Variants in VPS50 observed in about 807,000 individuals in gnomAD.
VPS50 encodes VPS50 subunit of EARP/GARPII complex.
VPS50 carries 70 observed loss-of-function variants against 139.7 expected under a neutral mutation model. The observed-to-expected ratio is 0.50, with a 90% CI of 0.41 to 0.61. The LOEUF (loss-of-function observed/expected upper bound fraction) is 0.61. VPS50 is among the 20% of genes least tolerant of loss of function. The pLI, the probability that VPS50 is intolerant of heterozygous loss-of-function variation, is 0.00. For synonymous variants in VPS50, 365 were observed against 376.7 expected, an observed-to-expected ratio of 0.97 and a Z score of 0.36; for missense variants, 921 against 1,133.7, an observed-to-expected ratio of 0.81 and a Z score of 2.69.
At chr7:93,323,530 AAT>A in intron 20 of VPS50, 79 bp from the exon 21 acceptor site, 1 of 437,978 alleles carries the variant, frequency 2.3e-6, no homozygotes. Context: ...TTAGTATAAT[AAT>A]TTTATTTTCT....
At position 93,305,905 on chromosome 7, in the gene VPS50, A is replaced by G. The variant is rs1797101867; in HGVS notation, c.1530A>G (p.Thr510=). The G allele has an allele frequency of 6.2e-7, 1 of 1,612,344 alleles. No homozygotes were observed. Among genetic ancestry groups the G allele is most frequent in the African/African-American group, 1.3e-5 (1 of 74,966 alleles). The change falls in exon 18 of 28, where the codon ACA becomes ACG. Residue 510 remains threonine, a synonymous_variant. Coordinates refer to ENST00000305866, the MANE Select transcript of VPS50 (RefSeq NM_017667.4). ...AGCCAGTCTCAACTTCTTCAAAAACAGTGACCTTGTTTGAGCAGTACTGTA... is the reference window on the plus strand; with the variant it reads ...AGCCAGTCTCAACTTCTTCAAAAACGGTGACCTTGTTTGAGCAGTACTGTA... ...SKQPVSTSSK[T]VTLFEQYCSG...
chr7:93,331,875 A>G (rs1797951547), intron 21 of VPS50, among the ~76,000 whole-genome samples: 1 of 152,246 alleles, frequency 6.6e-6, no homozygotes, highest in Admixed American at 6.5e-5. Context: ...TAACTCAATA[A>G]GAAAACAACC....
At chr7:93,314,106 G>C (rs1797352524) in intron 20 of VPS50, among the ~76,000 whole-genome samples, 1 of 152,148 alleles carries the variant, frequency 6.6e-6, no homozygotes, top group South Asian at 2.1e-4. Flanking sequence ...TCCATCCGCT[G>C]TTGTTATTGC....
chr7:93,283,917 G>A (rs948725568), intron 12 of VPS50, among the ~76,000 whole-genome samples: 6 of 152,142 alleles, frequency 3.9e-5, no homozygotes, highest in Non-Finnish European at 8.8e-5. Flanking sequence ...ATGCACCCAG[G>A]GAATAATGAG....
At chr7:93,321,873 A>AT (rs1257410241) in intron 20 of VPS50, among the ~76,000 whole-genome samples, 3 of 152,002 alleles carry the variant, frequency 2.0e-5, no homozygotes, top group African/African-American at 7.2e-5. Flanking sequence ...GTAGTATATT[A>AT]TTTTTTCTTC....
intron 16 of VPS50, among the ~76,000 whole-genome samples, chr7:93,301,121 T>G (rs1032561690): frequency 6.6e-6 from 1 of 151,738 alleles, no homozygotes; most frequent in Admixed American, 6.6e-5. Context: ...ATAGTGAAAC[T>G]CAGTCTCTAC....
chr7:93,287,145 G>A (rs1386565896), intron 12 of VPS50, among the ~76,000 whole-genome samples: 4 of 151,818 alleles, frequency 2.6e-5, no homozygotes, highest in Non-Finnish European at 5.9e-5. Context: ...CTGGTGCTGC[G>A]TGTATCATAG....
chr7:93,258,270 A>C lies in VPS50; in HGVS notation c.534A>C (p.Lys178Asn), dbSNP rs771909828. The C allele has an allele frequency of 6.3e-7, 1 of 1,577,420 alleles. No homozygotes were observed. ...TTCTGAAATCTCTGAGAACTATAAA[A>C]ACATTGGTATATATGGGTCATTTAA... ...IGLLKSLRTI[K>N]TLQRTDVRLS... The change falls in exon 7 of 28, where the codon AAA becomes AAC. Residue 178 changes from lysine to asparagine, a missense_variant. Lys to Asn is a moderately conservative substitution (Grantham distance 94, BLOSUM62 0). Transcript: ENST00000305866.
intron 2 of VPS50, among the ~76,000 whole-genome samples, chr7:93,244,067 C>T (rs936495051): frequency 6.6e-6 from 1 of 151,512 alleles, no homozygotes; most frequent in Middle Eastern, 3.4e-3. Flanking sequence ...ATTGGTTTAC[C>T]TTTGATTTTT....
chr7:93,239,795 G>T, intron 1 of VPS50, 71 bp from the exon 2 acceptor site: 2 of 830,690 alleles, frequency 2.4e-6, no homozygotes, highest in African/African-American at 1.7e-5. Flanking sequence ...TTCTGTTTCA[G>T]TAGGTGTATT....
chr7:93,260,607 C>T (rs1040092793), intron 9 of VPS50, among the ~76,000 whole-genome samples: 7 of 151,264 alleles, frequency 4.6e-5, no homozygotes, highest in African/African-American at 1.7e-4. Flanking sequence ...TATTTTCCTC[C>T]CAGAAATGCT....
intron 23 of VPS50, among the ~76,000 whole-genome samples, chr7:93,341,994 C>A (rs1360394605): frequency 6.6e-6 from 1 of 152,186 alleles, no homozygotes; most frequent in Non-Finnish European, 1.5e-5. Context: ...CGAATAGGAA[C>A]AGCTCCAGTC....
chr7:93,249,115 C>G (rs142083160), intron 2 of VPS50, among the ~76,000 whole-genome samples: 4 of 152,094 alleles, frequency 2.6e-5, no homozygotes, highest in East Asian at 1.9e-4. Flanking sequence ...GTTGTATGCT[C>G]TCTGTGATAC....
rs997059990 is a variant in VPS50 at position 93,272,680 on chromosome 7, A to G, written c.748A>G (p.Ile250Val). ...ALSKICKNFD[I>V]NHYTKVQQAY... Reference sequence around the variant, plus strand: ...TTCCAAAATCTGCAAGAATTTTGACATTAACCATTATACCAAGGTTCAACA... The same window carrying G: ...TTCCAAAATCTGCAAGAATTTTGACGTTAACCATTATACCAAGGTTCAACA... Residue 250 changes from isoleucine (I) to valine (V), a missense_variant, in exon 11 of 28, where the codon ATT (isoleucine) becomes GTT (valine). By Grantham distance (29) the Ile-to-Val change is conservative. Transcript: ENST00000305866. 5 of 1,579,996 alleles carry G rather than the reference A, an allele frequency of 3.2e-6. No homozygotes were observed. In the African/African-American group the frequency reaches 6.8e-5, roughly 22 times the overall value.
chr7:93,263,095 T>A (rs992118978), intron 9 of VPS50, among the ~76,000 whole-genome samples: 2 of 152,162 alleles, frequency 1.3e-5, no homozygotes, highest in African/African-American at 4.8e-5. Context: ...GTCTTCCCAG[T>A]ACAGTGTTGC....
intron 9 of VPS50, among the ~76,000 whole-genome samples, chr7:93,269,921 G>A (rs1311106632): frequency 3.3e-5 from 5 of 152,006 alleles, no homozygotes; most frequent in African/African-American, 1.2e-4. Context: ...TGAGAGTCAA[G>A]TTTATTATCA....
chr7:93,253,293 C>A (rs552405218), intron 3 of VPS50, among the ~76,000 whole-genome samples: 1 of 152,310 alleles, frequency 6.6e-6, no homozygotes, highest in African/African-American at 2.4e-5. Context: ...TTTGAAGTTT[C>A]ATCAGTCAGT....
In VPS50 at chr7:93,296,737, TA is replaced by T. The variant is rs1448900103; in HGVS notation, c.1168-4del. The T allele has an allele frequency of 6.2e-7, 1 of 1,601,036 alleles. No homozygotes were observed. Among genetic ancestry groups the T allele is most frequent in the Non-Finnish European group, 8.5e-7 (1 of 1,177,448 alleles). On this transcript the variant is annotated splice_region_variant and splice_polypyrimidine_tract_variant and intron_variant, in intron 14 of 27. Transcript: ENST00000305866. ...TGCTTGATTTTCTTTTTCTTTGCCTTACAGGATGTTCAGCTAAAAGTAAAAA... is the reference window on the plus strand; with the variant it reads ...TGCTTGATTTTCTTTTTCTTTGCCTTCAGGATGTTCAGCTAAAAGTAAAAA...
intron 12 of VPS50, among the ~76,000 whole-genome samples, chr7:93,279,520 G>C (rs1014045231): frequency 6.6e-6 from 1 of 152,188 alleles, no homozygotes; most frequent in Non-Finnish European, 1.5e-5. Flanking sequence ...TAGAATGTAA[G>C]CTGCTTATTT....
Sources: gnomAD v4.1 joint callset for allele counts (sites outside exome capture counted in the v4.1 genomes callset) on GRCh38, gnomAD v4.1.1 for gene constraint, MANE v1.5 for transcripts, NCBI Gene and HGNC (gene_info 2026-07-23, HGNC 2026-07-21) for gene names.